TP73: variants seen among roughly 807,000 people sequenced by gnomAD.
The protein encoded by TP73 is tumor protein p73, also known as p53-like transcription factor.
TP73 carries 25 observed loss-of-function variants against 62.5 expected under a neutral mutation model. That is an observed-to-expected ratio of 0.40 (90% CI 0.29 to 0.56). TP73 has a LOEUF of 0.56. Among genes scored for constraint, TP73 ranks in the 20% least tolerant of loss-of-function variants. The pLI is 0.46. For synonymous variants in TP73, 423 were observed against 377.5 expected (o/e 1.12, Z -1.40); for missense variants, 754 against 913.3 (o/e 0.83, Z 2.25).
rs75163047 is a variant in TP73, at chr1:3,681,744, G to A, written c.-33-589G>A. Reference sequence around the variant, plus strand: ...AGCCTCCAGCGCAGCCCTCACACACGCTGTTCCCAAGATGGGGTGACCGGG... The same window carrying A: ...AGCCTCCAGCGCAGCCCTCACACACACTGTTCCCAAGATGGGGTGACCGGG... On this transcript the variant is annotated intron_variant, in intron 1 of 13. Coordinates refer to ENST00000378295, the MANE Select transcript of TP73 (RefSeq NM_005427.4). Among the ~76,000 whole-genome samples the A allele has an allele frequency of 3.7e-3, 560 of 152,178 alleles. 19 individuals are homozygous for A. The East Asian group carries it at 0.082, about 22-fold the overall frequency.
chr1:3,680,188 C>T (rs987882957), intron 1 of TP73, among the ~76,000 whole-genome samples: 1 of 152,204 alleles, frequency 6.6e-6, no homozygotes, highest in African/African-American at 2.4e-5. Flanking sequence ...GTGTCCTGAG[C>T]ATGAGGTTTT....
At chr1:3,678,047 C>G (rs1273386847) in intron 1 of TP73, among the ~76,000 whole-genome samples, 2 of 152,156 alleles carry the variant, frequency 1.3e-5, no homozygotes, top group African/African-American at 4.8e-5. Context: ...CCTACACTTC[C>G]AATAATGTAT....
chr1:3,722,179 C>T lies in TP73; in HGVS notation c.588C>T (p.Asn196=), dbSNP rs957903349. The change falls in exon 5 of 14, where the codon AAC becomes AAT. Residue 196 remains asparagine (N), a synonymous_variant. Transcript: ENST00000378295. Reference sequence around the variant, plus strand: ...CCGACGTCGTGAAACGCTGCCCCAACCACGAGCTCGGGAGGGACTTCAACG... The same window carrying T: ...CCGACGTCGTGAAACGCTGCCCCAATCACGAGCTCGGGAGGGACTTCAACG... ...HVTDVVKRCP[N]HELGRDFNEG... 7 of 1,612,568 alleles carry T rather than the reference C, an allele frequency of 4.3e-6. No individual in the cohort carries two copies. The highest frequency in any genetic ancestry group is 1.6e-4 in the Middle Eastern group (1 of 6,078).
chr1:3,699,779 G>T lies in TP73; in HGVS notation c.187-7770G>T, dbSNP rs753322489. On this transcript the variant is annotated intron_variant, in intron 3 of 13. Coordinates refer to ENST00000378295, the MANE Select transcript of TP73 (RefSeq NM_005427.4). The surrounding 1 kb of genome is among the most constrained non-coding windows in gnomAD (Gnocchi z 4.1). Reference sequence around the variant, plus strand: ...GAGAGGTGACAGGAGCGAGGGAGGCGGAGGTGGAGCTGGGGAGGGGCCAGC... The same window carrying T: ...GAGAGGTGACAGGAGCGAGGGAGGCTGAGGTGGAGCTGGGGAGGGGCCAGC... Among the ~76,000 whole-genome samples the T allele has an allele frequency of 1.3e-5, 2 of 152,172 alleles. No homozygotes were observed. Among genetic ancestry groups the T allele is most frequent in the African/African-American group, 2.4e-5 (1 of 41,432 alleles).
rs1357297629 is a variant in TP73, at chr1:3,696,008, G to C, written c.187-11541G>C. Among the ~76,000 whole-genome samples, 1 of 152,200 alleles carries C rather than the reference G, an allele frequency of 6.6e-6. No individual in the cohort carries two copies. Among genetic ancestry groups the C allele is most frequent in the South Asian group, 2.1e-4 (1 of 4,830 alleles). On this transcript the variant is annotated intron_variant, in intron 3 of 13. Coordinates refer to ENST00000378295, the MANE Select transcript of TP73 (RefSeq NM_005427.4). The surrounding 1 kb of genome is among the most constrained non-coding windows in gnomAD (Gnocchi z 4.1). ...GAGCAGGGGTGAAAACGCCGCGGTC[G>C]GCCGTGGCTGTGTTGGAGATGCCCG...
In TP73 at chr1:3,699,150, C is replaced by A. The variant is rs1475897098; in HGVS notation, c.187-8399C>A. Reference sequence around the variant, plus strand: ...TCGGGAGAGGGAGGCTTCCCCCCAGCCGCATGTCGAATCTTGTTGGCATTT... The same window carrying A: ...TCGGGAGAGGGAGGCTTCCCCCCAGACGCATGTCGAATCTTGTTGGCATTT... On this transcript the variant is annotated intron_variant, in intron 3 of 13. Transcript: ENST00000378295. The surrounding 1 kb of genome is among the most constrained non-coding windows in gnomAD (Gnocchi z 4.1). Among the ~76,000 whole-genome samples, 1 of 152,096 alleles carries A rather than the reference C, an allele frequency of 6.6e-6. No individual in the cohort carries two copies. The highest frequency in any genetic ancestry group is 6.5e-5 in the Admixed American group (1 of 15,272).
Position 3,672,438 on chromosome 1 carries a change from G to A in TP73, c.-33-9895G>A, listed in dbSNP as rs1645262713. Among the ~76,000 whole-genome samples, 1 of 152,102 alleles carries A rather than the reference G, an allele frequency of 6.6e-6. No homozygotes were observed. Among genetic ancestry groups the A allele is most frequent in the Non-Finnish European group, 1.5e-5 (1 of 67,998 alleles). On this transcript the variant is annotated intron_variant, in intron 1 of 13. Transcript: ENST00000378295. The surrounding 1 kb of genome is among the most constrained non-coding windows in gnomAD (Gnocchi z 5.3). ...GGGCAGAGGACAGGGATGTGTCTGT[G>A]CAGAACGAGGCTGTGGCAGCTCCAG...
At chr1:3,668,095 C>A (rs1256045860) in intron 1 of TP73, among the ~76,000 whole-genome samples, 1 of 152,260 alleles carries the variant, frequency 6.6e-6, no homozygotes, top group African/African-American at 2.4e-5. Context: ...AGCCAGGCAC[C>A]AGCCTCCCTG....
intron 3 of TP73, chr1:3,691,042 C>T: frequency 6.6e-7 from 1 of 1,515,478 alleles, no homozygotes; most frequent in South Asian, 1.2e-5. Context: ...GCCTGCCTTC[C>T]TGGCCTGGAG....
rs1040139428 is a variant in TP73 at position 3,729,445 on chromosome 1, G to A, written c.1193G>A (p.Arg398Lys). 1 of 1,612,720 alleles carries A rather than the reference G, an allele frequency of 6.2e-7. No homozygotes were observed. The highest frequency in any genetic ancestry group is 8.5e-7 in the Non-Finnish European group (1 of 1,179,980). ...CGGCAGCAGCAGCAGCTCCTACAGA[G>A]GCCGTGAGTCAGCCCTAGCCCACCA... is the stretch of plus-strand genomic sequence containing the variant. Reference protein sequence around the residue: ...SYRQQQQLLQRPSHLQPPSYG... With the variant: ...SYRQQQQLLQKPSHLQPPSYG... Residue 398 changes from arginine (R) to lysine (K), a missense_variant, in exon 10 of 14, where the codon AGG (arginine) becomes AAG (lysine). Physicochemically the swap from Arg to Lys is conservative, Grantham distance 26. Transcript: ENST00000378295.
chr1:3,704,569 C>A (rs887282782), intron 3 of TP73, among the ~76,000 whole-genome samples: 2 of 152,224 alleles, frequency 1.3e-5, no homozygotes, highest in African/African-American at 4.8e-5. Flanking sequence ...GCTGCTCCTG[C>A]CCGTGTGGCC....
chr1:3,681,319 G>T (rs182173304), intron 1 of TP73, among the ~76,000 whole-genome samples: 80 of 152,332 alleles, frequency 5.3e-4, no homozygotes, highest in African/African-American at 1.9e-3. Context: ...TGGCCCAGGG[G>T]AGAGGTCACC....
At chr1:3,703,741 A>G (rs1054364901) in intron 3 of TP73, among the ~76,000 whole-genome samples, 1 of 152,176 alleles carries the variant, frequency 6.6e-6, no homozygotes, top group African/African-American at 2.4e-5. Context: ...TGGAGCAGGG[A>G]TGGGAGTCGG....
Position 3,728,156 on chromosome 1 carries a change from C to T in TP73, c.1013C>T (p.Pro338Leu). ...RAFKQSPPAV[P>L]ALGAGVKKRR... ...TTCAAGCAGAGCCCCCCTGCCGTCC[C>T]CGCCCTTGGTGCCGGTGTGAAGAAG... Residue 338 changes from proline to leucine, a missense_variant, in exon 9 of 14, where the codon CCC (proline) becomes CTC (leucine). By Grantham distance (98) the Pro-to-Leu change is moderately conservative. Coordinates refer to ENST00000378295, the MANE Select transcript of TP73 (RefSeq NM_005427.4). 6.2e-7 allele frequency: 1 copy of T among 1,611,780 alleles called. No homozygotes were observed. Among genetic ancestry groups the T allele is most frequent in the East Asian group, 2.2e-5 (1 of 44,884 alleles).
rs1458448069 is a variant in TP73 at position 3,701,004 on chromosome 1, AGCCTGGACCCTGGG to A, written c.187-6544_187-6531del. 6.6e-6 allele frequency among the ~76,000 whole-genome samples: 1 copy of A among 152,234 alleles called. No individual in the cohort carries two copies. The highest frequency in any genetic ancestry group is 2.4e-5 in the African/African-American group (1 of 41,468). The stretch of plus-strand genomic sequence containing the variant: ...CCGCCCTCCACATTCTGAGGAAGGC[AGCCTGGACCCTGGG>A]CACTGTCTGGGCTTGGGGCTGTGGC... On this transcript the variant is annotated intron_variant, in intron 3 of 13. Transcript: ENST00000378295. The surrounding 1 kb of genome is among the most constrained non-coding windows in gnomAD (Gnocchi z 4.7).
At chr1:3,665,065 G>C (rs752100812) in intron 1 of TP73, among the ~76,000 whole-genome samples, 3 of 152,162 alleles carry the variant, frequency 2.0e-5, no homozygotes, top group Non-Finnish European at 2.9e-5. Flanking sequence ...GCTGTGATCG[G>C]CCACGCTCAC....
chr1:3,712,690 G>A (rs983148941), intron 4 of TP73, among the ~76,000 whole-genome samples: 1 of 152,184 alleles, frequency 6.6e-6, no homozygotes, highest in Non-Finnish European at 1.5e-5. Flanking sequence ...CAGCCCTGTG[G>A]ACCCAGCATG....
chr1:3,713,779 G>A (rs1214896838), intron 4 of TP73, among the ~76,000 whole-genome samples: 2 of 152,178 alleles, frequency 1.3e-5, no homozygotes, highest in Non-Finnish European at 2.9e-5. Context: ...TGCACTCCAG[G>A]CGGACAGCGT....
Position 3,682,844 on chromosome 1 carries a change from A to C in TP73, c.66-216A>C, listed in dbSNP as rs75902087. Among the ~76,000 whole-genome samples the C allele has an allele frequency of 7.6e-3, 1,157 of 152,298 alleles. 57 individuals are homozygous for C. The East Asian group carries it at 0.15, about 20-fold the overall frequency. ...GGGCCCATGGCCAGCAGAGGCCCAG[A>C]ATAACAGAGCCCATGACTGGCTCTG... On this transcript the variant is annotated intron_variant, in intron 2 of 13. Transcript: ENST00000378295.
Sources: allele counts gnomAD v4.1 joint callset (sites outside exome capture counted in the v4.1 genomes callset), GRCh38; gene constraint gnomAD v4.1.1; non-coding constraint Gnocchi (gnomAD v3.1); transcripts MANE v1.5; gene names NCBI Gene and HGNC (gene_info 2026-07-23, HGNC 2026-07-21).